SKI: variants seen among roughly 807,000 people sequenced by gnomAD.
The protein encoded by SKI is SKI proto-oncogene.
In SKI, 23 loss-of-function variants were observed where a neutral mutation model predicts 59.3. The ratio of observed to expected loss-of-function variants is 0.39; its 90% CI spans 0.28 to 0.55. The LOEUF is 0.55. Among genes scored for constraint, SKI ranks in the 20% least tolerant of loss-of-function variants. The pLI, the probability that SKI is intolerant of heterozygous loss-of-function variation, is 0.67. For synonymous variants in SKI, 673 were observed against 488.6 expected (o/e 1.38, Z -4.98); for missense variants, 1,017 against 1,038.9 (o/e 0.98, Z 0.29).
chr1:2,300,161 G>A (rs1257552807), intron 1 of SKI, among the ~76,000 whole-genome samples: 1 of 152,252 alleles, frequency 6.6e-6, no homozygotes, highest in African/African-American at 2.4e-5. Context: ...CAGGTAGCTT[G>A]CCTGGTCATC....
intron 1 of SKI, among the ~76,000 whole-genome samples, chr1:2,278,472 C>T (rs1027948944): frequency 5.9e-5 from 9 of 152,198 alleles, no homozygotes; most frequent in Admixed American, 2.0e-4. Flanking sequence ...CTCCCTTCAC[C>T]CTCCACAGTC....
intron 1 of SKI, among the ~76,000 whole-genome samples, chr1:2,275,388 C>T (rs1179946918): frequency 6.6e-6 from 1 of 152,216 alleles, no homozygotes; most frequent in Non-Finnish European, 1.5e-5. Flanking sequence ...CCTCTGGGGG[C>T]TTTTTAGGTG....
chr1:2,301,414 C>G (rs915137889), intron 1 of SKI, among the ~76,000 whole-genome samples: 13 of 149,400 alleles, frequency 8.7e-5, no homozygotes, highest in Middle Eastern at 7.8e-3. Context: ...CGGCCCTGTG[C>G]GCCCGAGCAC....
At chr1:2,285,596 G>T (rs1244784391) in intron 1 of SKI, among the ~76,000 whole-genome samples, 3 of 146,866 alleles carry the variant, frequency 2.0e-5, no homozygotes, top group Admixed American at 6.8e-5. Context: ...ACGGAATCTT[G>T]CTCTGTCACC....
At chr1:2,242,718 G>A (rs1197605070) in intron 1 of SKI, among the ~76,000 whole-genome samples, 3 of 152,046 alleles carry the variant, frequency 2.0e-5, no homozygotes, top group African/African-American at 2.4e-5. Flanking sequence ...TGTGATCTCC[G>A]TTTGTTACCC....
intron 1 of SKI, among the ~76,000 whole-genome samples, chr1:2,298,427 G>C (rs1284366026): frequency 1.3e-5 from 2 of 152,172 alleles, no homozygotes; most frequent in Non-Finnish European, 2.9e-5. Flanking sequence ...TGTGGTCCCC[G>C]GCTCCTGGAT....
chr1:2,276,786 C>A (rs186611531), intron 1 of SKI, among the ~76,000 whole-genome samples: 3 of 152,160 alleles, frequency 2.0e-5, no homozygotes, highest in Admixed American at 1.3e-4. Flanking sequence ...GCTGTCTTTG[C>A]GTAACTTAGG....
At position 2,303,941 on chromosome 1, in the gene SKI, C is replaced by T; in HGVS notation, c.1313C>T (p.Ala438Val). 1 of 1,611,802 alleles carries T rather than the reference C, an allele frequency of 6.2e-7. No homozygotes were observed. Among genetic ancestry groups the T allele is most frequent in the Non-Finnish European group, 8.5e-7 (1 of 1,179,598 alleles). Reference protein sequence around the residue: ...KVVSSPPCAAAVSRAPEPLAT... With the variant: ...KVVSSPPCAAVVSRAPEPLAT... ...GTGAGCAGCCCTCCGTGTGCCGCCG[C>T]CGTCTCCCGGGCCCCCGAGCCTCTC... is the stretch of plus-strand genomic sequence containing the variant. Residue 438 changes from alanine (A) to valine (V), a missense_variant, in exon 4 of 7, where the codon GCC (alanine) becomes GTC (valine). Transcript: ENST00000378536. The surrounding 1 kb of genome is among the most constrained non-coding windows in gnomAD (Gnocchi z 5.6).
In SKI at chr1:2,228,672, G is replaced by C. The variant is rs1452117240; in HGVS notation, c.-95G>C. 3 of 707,202 alleles carry C rather than the reference G, an allele frequency of 4.2e-6. No individual in the cohort carries two copies. In the African/African-American group the frequency reaches 5.9e-5, roughly 14 times the overall value. The allele number at this position is 707,202 out of a possible 1,614,324, so 43.8% of individuals were successfully genotyped here. A position where few individuals can be genotyped will look rare whatever the true frequency, so the allele number is the denominator to read the frequency against. ...GCGGCGGGGGGCGGCCGGGGTCGGGGCCGCGGGCGCCGCCGGGGCGCGCGG... is the reference window on the plus strand; with the variant it reads ...GCGGCGGGGGGCGGCCGGGGTCGGGCCCGCGGGCGCCGCCGGGGCGCGCGG... On this transcript the variant is annotated 5_prime_UTR_variant, in exon 1 of 7. Transcript: ENST00000378536.
chr1:2,234,598 CA>C (rs1360985913), intron 1 of SKI, among the ~76,000 whole-genome samples: 1 of 152,200 alleles, frequency 6.6e-6, no homozygotes, highest in Non-Finnish European at 1.5e-5. Context: ...CTGCTGCTGG[CA>C]GGGCCTCCAG....
intron 1 of SKI, among the ~76,000 whole-genome samples, chr1:2,288,442 C>T (rs141285092): frequency 5.9e-5 from 9 of 152,362 alleles, no homozygotes; most frequent in Non-Finnish European, 1.0e-4. Flanking sequence ...CTTAAAGGTA[C>T]ATGTTCCGAT....
rs1349537901 is a variant in SKI at position 2,259,581 on chromosome 1, G to A, written c.969+29846G>A. 7.9e-5 allele frequency among the ~76,000 whole-genome samples: 12 copies of A among 152,260 alleles called. No individual in the cohort carries two copies. The South Asian group carries it at 8.3e-4, about 11-fold the overall frequency. On this transcript the variant is annotated intron_variant, in intron 1 of 6. Transcript: ENST00000378536. ...TTGAGGCATAATTAACATAAGCTGC[G>A]TATATTTAAAGATACAGTTAGATAA... is the stretch of plus-strand genomic sequence containing the variant.
At chr1:2,263,052 G>A (rs938230102) in intron 1 of SKI, among the ~76,000 whole-genome samples, 2 of 151,304 alleles carry the variant, frequency 1.3e-5, no homozygotes, top group Non-Finnish European at 2.9e-5. Context: ...GGTGTCCACC[G>A]CCACACCCAG....
intron 1 of SKI, among the ~76,000 whole-genome samples, chr1:2,263,413 T>G (rs1472726593): frequency 6.6e-6 from 1 of 151,366 alleles, no homozygotes; most frequent in Non-Finnish European, 1.5e-5. Flanking sequence ...AATTTTTGTA[T>G]TTTTAATAGA....
At chr1:2,245,287 G>A (rs1042785983) in intron 1 of SKI, among the ~76,000 whole-genome samples, 7 of 152,030 alleles carry the variant, frequency 4.6e-5, no homozygotes, top group African/African-American at 1.7e-4. Flanking sequence ...AGACTGAACC[G>A]CAGGCTGCTG....
intron 5 of SKI, 63 bp from the exon 6 acceptor site, chr1:2,305,957 G>T (rs1346788366): frequency 5.5e-6 from 7 of 1,270,286 alleles, no homozygotes; most frequent in Non-Finnish European, 7.9e-6. Context: ...AGGACTGCTG[G>T]TCATGGTGAG....
intron 1 of SKI, among the ~76,000 whole-genome samples, chr1:2,286,701 G>C (rs1640046315): frequency 6.6e-6 from 1 of 152,246 alleles, no homozygotes; most frequent in Non-Finnish European, 1.5e-5. Flanking sequence ...CTCGCTCTGA[G>C]TGAGGACAGA....
At chr1:2,260,557 T>TTTTTTTTTTTTTTTTTTTTC in intron 1 of SKI, among the ~76,000 whole-genome samples, 1 of 141,992 alleles carries the variant, frequency 7.0e-6, no homozygotes, top group Non-Finnish European at 1.5e-5. Context: ...TTTTTTTTTT[T>TTTTTTTTTTTTTTTTTTTTC]TGAGACAGGG....
intron 1 of SKI, among the ~76,000 whole-genome samples, chr1:2,285,937 G>A (rs1244895180): frequency 1.5e-5 from 2 of 135,520 alleles, no homozygotes; most frequent in Non-Finnish European, 3.0e-5. Flanking sequence ...ACAGTGGCAC[G>A]ATCTCGGCTC....
Sources: allele counts gnomAD v4.1 joint callset (sites outside exome capture counted in the v4.1 genomes callset), GRCh38; gene constraint gnomAD v4.1.1; non-coding constraint Gnocchi (gnomAD v3.1); transcripts MANE v1.5; gene names NCBI Gene and HGNC (gene_info 2026-07-23, HGNC 2026-07-21).